DYNC1H1: variants seen among roughly 807,000 people sequenced by gnomAD.
DYNC1H1 encodes the protein cytoplasmic dynein 1 heavy chain 1.
A neutral mutation model predicts 527.1 loss-of-function variants in DYNC1H1; 51 were observed. The ratio of observed to expected loss-of-function variants is 0.10; its 90% confidence interval spans 0.08 to 0.12. The LOEUF (loss-of-function observed/expected upper bound fraction) is 0.12. Among genes scored for constraint, DYNC1H1 ranks in the 10% least tolerant of loss-of-function variants. The probability of loss-of-function intolerance (pLI) is 1.00; values close to 1 mark genes in which losing one functional copy is unlikely to be tolerated. For synonymous variants in DYNC1H1, 2,189 were observed against 2,278.8 expected (o/e 0.96, Z 1.12); for missense variants, 2,771 against 5,971.8 (o/e 0.46, Z 17.66).
chr14:102,040,998 T>G (rs575432226), intron 64 of DYNC1H1: 150 of 426,666 alleles, frequency 3.5e-4, no homozygotes, highest in African/African-American at 2.7e-3. Flanking sequence ...TATTTCAATG[T>G]TAAAACTTTT....
chr14:102,022,375 G>A (rs1239928784), intron 42 of DYNC1H1, among the ~76,000 whole-genome samples: 2 of 149,226 alleles, frequency 1.3e-5, no homozygotes, highest in Non-Finnish European at 3.0e-5. Context: ...CCTTGGTGGC[G>A]GGCGCCTGTA....
chr14:102,004,473 T>A (rs2048174018), intron 23 of DYNC1H1, 45 bp from the exon 24 acceptor site: 2 of 1,568,660 alleles, frequency 1.3e-6, no homozygotes, highest in Non-Finnish European at 1.7e-6. Flanking sequence ...TCACCTTATA[T>A]GTGTATATAA....
chr14:102,031,229 ATTGTTT>A (rs2048506989), intron 51 of DYNC1H1, among the ~76,000 whole-genome samples: 2 of 152,026 alleles, frequency 1.3e-5, no homozygotes, highest in South Asian at 4.1e-4. Context: ...GTCATTGGCC[ATTGTTT>A]TTGTTTTGCT....
At position 102,012,192 on chromosome 14, in the gene DYNC1H1, C is replaced by T. The variant is rs575877285; in HGVS notation, c.6857+79C>T. The T allele has an allele frequency of 3.4e-5, 54 of 1,609,322 alleles. 1 individual carries two copies. In the East Asian group the frequency reaches 3.8e-4, roughly 11 times the overall value. On this transcript the variant is annotated intron_variant, in intron 33 of 77. Coordinates refer to ENST00000360184, the MANE Select transcript of DYNC1H1 (RefSeq NM_001376.5). The surrounding 1 kb of genome is among the most constrained non-coding windows in gnomAD (Gnocchi z 4.9). ...TTTGCTCTCACAAGAGCAGAGTATA[C>T]GTTATTTTTCAACCAAAGTCTGAGC...
At position 102,044,475 on chromosome 14, in the gene DYNC1H1, A is replaced by G; in HGVS notation, c.12886A>G (p.Met4296Val). 1.9e-6 allele frequency: 3 copies of G among 1,614,190 alleles called. No homozygotes were observed. Among genetic ancestry groups the G allele is most frequent in the Non-Finnish European group, 2.5e-6 (3 of 1,180,040 alleles). ...CKVDGHKDIQ[M>V]PDGIRREEFV... Reference sequence around the variant, plus strand: ...GGTCGACGGACATAAAGACATTCAAATGCCAGATGGCATCAGGTATGCTGC... The same window carrying G: ...GGTCGACGGACATAAAGACATTCAAGTGCCAGATGGCATCAGGTATGCTGC... Residue 4296 changes from methionine to valine, a missense_variant, in exon 71 of 78, where the codon ATG (methionine) becomes GTG (valine). Physicochemically the swap from Met to Val is conservative, Grantham distance 21. Transcript: ENST00000360184. The surrounding 1 kb of genome is among the most constrained non-coding windows in gnomAD (Gnocchi z 7.1).
At position 102,020,192 on chromosome 14, in the gene DYNC1H1, C is replaced by A; in HGVS notation, c.8507+136C>A. 8.4e-7 allele frequency: 1 copy of A among 1,190,834 alleles called. No homozygotes were observed. Among genetic ancestry groups the A allele is most frequent in the Non-Finnish European group, 1.2e-6 (1 of 832,358 alleles). 73.8% of individuals were successfully genotyped at this position (1,190,834 alleles called of 1,614,324 possible). ...GTGCCAGTGGTGGAAGGAGCAGAGT[C>A]AGCCAGGGCAGCCTCCCGTCTGGAC... On this transcript the variant is annotated intron_variant, in intron 42 of 77. Transcript: ENST00000360184. The surrounding 1 kb of genome is among the most constrained non-coding windows in gnomAD (Gnocchi z 4.3).
At chr14:102,022,727 A>G (rs779165696) in intron 42 of DYNC1H1, 24 bp from the exon 43 acceptor site, 5 of 1,613,914 alleles carry the variant, frequency 3.1e-6, no homozygotes, top group East Asian at 2.2e-5. Flanking sequence ...AGTTACCTAA[A>G]TGCACATGCT....
intron 69 of DYNC1H1, chr14:102,043,618 T>C (rs2048679446): frequency 5.6e-6 from 3 of 539,738 alleles, no homozygotes; most frequent in Non-Finnish European, 1.0e-5. Flanking sequence ...ACATTCACGT[T>C]TTCTGACATT....
chr14:102,041,100 GACC>G lies in DYNC1H1; in HGVS notation c.11941+430_11941+432del, dbSNP rs2048643895. 1 of 346,082 alleles carries G rather than the reference GACC, an allele frequency of 2.9e-6. No individual in the cohort carries two copies. The highest frequency in any genetic ancestry group is 2.1e-5 in the African/African-American group (1 of 47,364). The allele number at this position is 346,082 out of a possible 1,614,324, so 21.4% of individuals were successfully genotyped here. The stretch of plus-strand genomic sequence containing the variant: ...AATTCCTATTCATCTCATGCTTAAA[GACC>G]ACAAGAGAACTAGATGGGGAACTCC... On this transcript the variant is annotated intron_variant, in intron 64 of 77. Coordinates refer to ENST00000360184, the MANE Select transcript of DYNC1H1 (RefSeq NM_001376.5). This position sits in a 1 kb window ranked among gnomAD's most constrained non-coding sequence, Gnocchi z 4.5.
chr14:101,980,873 C>T (rs1374844010), intron 5 of DYNC1H1, among the ~76,000 whole-genome samples: 1 of 152,166 alleles, frequency 6.6e-6, no homozygotes, highest in African/African-American at 2.4e-5. Flanking sequence ...GGCACAAAGT[C>T]AGGTATGCTT....
intron 73 of DYNC1H1, 98 bp downstream of exon 73, chr14:102,048,126 G>T: frequency 6.9e-7 from 1 of 1,441,298 alleles, no homozygotes; most frequent in Admixed American, 2.0e-5. Flanking sequence ...CCACTGTGCC[G>T]GACGGAACGT....
chr14:102,030,476 C>A, intron 51 of DYNC1H1, 194 bp downstream of exon 51: 3 of 740,280 alleles, frequency 4.1e-6, no homozygotes, highest in Non-Finnish European at 6.4e-6. Context: ...AAAGTTCCTA[C>A]AAAGCTAGAT....
In DYNC1H1 at chr14:102,032,458, A is replaced by G. The variant is rs1458996905; in HGVS notation, c.10070A>G (p.Glu3357Gly). Residue 3357 changes from glutamate to glycine, a missense_variant, in exon 52 of 78, where the codon GAG becomes GGG. This residue lies in a region of DYNC1H1 where 283 missense variants were observed against 737.6 expected (regional missense o/e 0.38). Coordinates refer to ENST00000360184, the MANE Select transcript of DYNC1H1 (RefSeq NM_001376.5). The stretch of plus-strand genomic sequence containing the variant: ...CCCACCATCGTCAACTTCTCTGCAG[A>G]GGAGATCAGGTGAGAAAGTGGAAGT... ...FIPTIVNFSA[E>G]EISDAIREKM... 2.5e-6 allele frequency: 4 copies of G among 1,614,036 alleles called. No homozygotes were observed. The highest frequency in any genetic ancestry group is 2.5e-6 in the Non-Finnish European group (3 of 1,180,056).
chr14:102,012,481 T>A lies in DYNC1H1; in HGVS notation c.7014+11T>A, dbSNP rs748466861. The stretch of plus-strand genomic sequence containing the variant: ...AGTCTTCCACCCAATGTAAGTAGCC[T>A]TTTGTATGTCGTCAACTGAATAATT... On this transcript the variant is annotated intron_variant, in intron 34 of 77. Coordinates refer to ENST00000360184, the MANE Select transcript of DYNC1H1 (RefSeq NM_001376.5). The surrounding 1 kb of genome is among the most constrained non-coding windows in gnomAD (Gnocchi z 4.9). 1 of 1,614,164 alleles carries A rather than the reference T, an allele frequency of 6.2e-7. No individual in the cohort carries two copies. The highest frequency in any genetic ancestry group is 2.2e-5 in the East Asian group (1 of 44,880).
chr14:102,048,784 CGAGAGCAGCTCTGTGCTCTTA>C, intron 74 of DYNC1H1, 115 bp downstream of exon 74: 2 of 1,049,084 alleles, frequency 1.9e-6, no homozygotes, highest in Non-Finnish European at 1.3e-6. Context: ...CAGGAGCTTC[CGAGAGCAGCTCTGTGCTCTTA>C]CCCTCAAGGT....
Position 101,986,155 on chromosome 14 carries a change from G to A in DYNC1H1, c.1930G>A (p.Val644Met). Residue 644 changes from valine to methionine, a missense_variant, in exon 8 of 78, where the codon GTG becomes ATG. Transcript: ENST00000360184. The surrounding 1 kb of genome is among the most constrained non-coding windows in gnomAD (Gnocchi z 8.7). ...GAGTCACGTTCGTGACTTGCCCCCT[G>A]TGTCAGGGTCTATCATCTGGGCTAA... is the stretch of plus-strand genomic sequence containing the variant. ...KMSHVRDLPP[V>M]SGSIIWAKQI... is the part of the protein sequence containing the mutation. The A allele has an allele frequency of 6.2e-7, 1 of 1,614,208 alleles. No individual in the cohort carries two copies. The highest frequency in any genetic ancestry group is 8.5e-7 in the Non-Finnish European group (1 of 1,180,046).
intron 28 of DYNC1H1, among the ~76,000 whole-genome samples, chr14:102,007,386 T>TGTGTC (rs745956915): frequency 1.8e-3 from 269 of 152,352 alleles, no homozygotes; most frequent in Non-Finnish European, 3.1e-3. Context: ...TTTTAGTGCC[T>TGTGTC]GTGTCTTGGA....
chr14:102,040,602 T>G lies in DYNC1H1; in HGVS notation c.11870T>G (p.Phe3957Cys). 2 of 1,614,176 alleles carry G rather than the reference T, an allele frequency of 1.2e-6. No homozygotes were observed. Among genetic ancestry groups the G allele is most frequent in the Non-Finnish European group, 1.7e-6 (2 of 1,180,028 alleles). The change falls in exon 64 of 78, where the codon TTT (phenylalanine) becomes TGT (cysteine). Residue 3957 changes from phenylalanine (F) to cysteine (C), a missense_variant. By Grantham distance (205) the Phe-to-Cys change is radical. This residue lies in a region of DYNC1H1 where 120 missense variants were observed against 161.9 expected (regional missense o/e 0.74). Coordinates refer to ENST00000360184, the MANE Select transcript of DYNC1H1 (RefSeq NM_001376.5). ...LIAKVQADEQ[F>C]GIWLDSSSPE... is the part of the protein sequence containing the mutation. Reference sequence around the variant, plus strand: ...CTTCCACTATTGTCTCCACAGCAATTTGGCATCTGGCTGGACAGCAGCTCC... The same window carrying G: ...CTTCCACTATTGTCTCCACAGCAATGTGGCATCTGGCTGGACAGCAGCTCC...
At position 102,044,066 on chromosome 14, in the gene DYNC1H1, G is replaced by C; in HGVS notation, c.12684+21G>C. 1 of 1,612,746 alleles carries C rather than the reference G, an allele frequency of 6.2e-7. No homozygotes were observed. Among genetic ancestry groups the C allele is most frequent in the South Asian group, 1.1e-5 (1 of 91,000 alleles). On this transcript the variant is annotated intron_variant, in intron 70 of 77. Transcript: ENST00000360184. This position sits in a 1 kb window ranked among gnomAD's most constrained non-coding sequence, Gnocchi z 7.1. ...CCAAGGCAAGTGTGGGCCATGCCAG[G>C]ACAGACAGTGGACGTGTATCTGGGA...
Sources: gnomAD v4.1 joint callset for allele counts (sites outside exome capture counted in the v4.1 genomes callset) on GRCh38, gnomAD v4.1.1 for gene constraint, gnomAD v4.1.1 regional missense constraint, Gnocchi (gnomAD v3.1) non-coding constraint, MANE v1.5 for transcripts, NCBI Gene and HGNC (gene_info 2026-07-23, HGNC 2026-07-21) for gene names.